The following GBX2 variants were observed in gnomAD, a reference collection of about 807,000 sequenced individuals.
The protein encoded by GBX2 is gastrulation brain homeobox 2.
A neutral mutation model predicts 22.4 loss-of-function variants in GBX2; 5 were observed. The ratio of observed to expected loss-of-function variants is 0.22; its 90% CI spans 0.12 to 0.47. The LOEUF is 0.47. GBX2 is among the 20% of genes least tolerant of loss of function. The pLI, the probability that GBX2 is intolerant of heterozygous loss-of-function variation, is 0.99. For synonymous variants in GBX2, 220 were observed against 230.5 expected, an observed-to-expected ratio of 0.95 and a Z score of 0.41; for missense variants, 470 against 495.4, an observed-to-expected ratio of 0.95 and a Z score of 0.49.
At chr2:236,167,186 G>A (rs966067368) in intron 1 of GBX2, 31 of 1,535,250 alleles carry the variant, frequency 2.0e-5, no homozygotes, top group Admixed American at 3.9e-5. Flanking sequence ...TCGGCCAAAC[G>A]CATCGTCAGA....
In GBX2 at chr2:236,167,975, C is replaced by A. The variant is rs372311841; in HGVS notation, c.-4G>T. ...ACGGCGGGAACGCTGCGCTCATAGA[C>A]GCGCTCGGTAGAGGCCAGCGAGAGG... On this transcript the variant is annotated 5_prime_UTR_variant, in exon 1 of 2. Coordinates refer to ENST00000306318, the MANE Select transcript of GBX2 (RefSeq NM_001485.4). The A allele has an allele frequency of 1.9e-6, 3 of 1,552,624 alleles. No homozygotes were observed. The African/African-American group carries it at 4.3e-5, about 22-fold the overall frequency.
Position 236,165,897 on chromosome 2 carries a change from C to T in GBX2, c.*17G>A, listed in dbSNP as rs1227982415. On this transcript the variant is annotated 3_prime_UTR_variant, in exon 2 of 2. Coordinates refer to ENST00000306318, the MANE Select transcript of GBX2 (RefSeq NM_001485.4). ...GGCTTCTCCAGGTGGGTGCCAGGCCCTGGCCCTTCTGGACCCTCAGGGCCG... is the reference window on the plus strand; with the variant it reads ...GGCTTCTCCAGGTGGGTGCCAGGCCTTGGCCCTTCTGGACCCTCAGGGCCG... 1 of 1,595,712 alleles carries T rather than the reference C, an allele frequency of 6.3e-7. No individual in the cohort carries two copies. Among genetic ancestry groups the T allele is most frequent in the African/African-American group, 1.4e-5 (1 of 73,850 alleles).
downstream of GBX2, among the ~76,000 whole-genome samples, chr2:236,164,370 C>T (rs2060226404): frequency 2.0e-5 from 3 of 152,162 alleles, no homozygotes; most frequent in Non-Finnish European, 2.9e-5. Context: ...CACTCGCTGG[C>T]CCGCTGAACG....
Position 236,167,896 on chromosome 2 carries a change from A to C in GBX2, c.76T>G (p.Ser26Ala). The part of the protein sequence containing the change: ...LGSSTAFSID[S>A]LIGSPPQPSP... ...GGCTGCGGCGGGCTGCCGATCAGCG[A>C]GTCTATGCTGAAGGCGGTGCTACTC... Residue 26 changes from serine (S) to alanine (A), a missense_variant, in exon 1 of 2, where the codon TCG becomes GCG. This residue lies in a region of GBX2 where 377 missense variants were observed against 358.6 expected (regional missense o/e 1.05). Coordinates refer to ENST00000306318, the MANE Select transcript of GBX2 (RefSeq NM_001485.4). The C allele has an allele frequency of 6.4e-7, 1 of 1,559,042 alleles. No homozygotes were observed. Among genetic ancestry groups the C allele is most frequent in the Non-Finnish European group, 8.7e-7 (1 of 1,155,792 alleles).
Position 236,166,262 on chromosome 2 carries a change from C to G in GBX2, c.699G>C (p.Pro233=). 1 of 1,613,650 alleles carries G rather than the reference C, an allele frequency of 6.2e-7. No individual in the cohort carries two copies. Among genetic ancestry groups the G allele is most frequent in the Non-Finnish European group, 8.5e-7 (1 of 1,179,962 alleles). ...DPGHALEETP[P]SSGAAGSTTS... is the part of the protein sequence containing the mutation. ...TGGTGCTGCCCGCGGCGCCGCTGCT[C>G]GGCGGGGTCTCCTCCAGCGCGTGGC... The change falls in exon 2 of 2, where the codon CCG becomes CCC. Residue 233 remains proline, a synonymous_variant. Coordinates refer to ENST00000306318, the MANE Select transcript of GBX2 (RefSeq NM_001485.4). This position sits in a 1 kb window ranked among gnomAD's most constrained non-coding sequence, Gnocchi z 6.6.
At position 236,167,431 on chromosome 2, in the gene GBX2, CG is replaced by C; in HGVS notation, c.523+17del. 2.7e-6 allele frequency: 4 copies of C among 1,488,834 alleles called. No homozygotes were observed. The highest frequency in any genetic ancestry group is 3.5e-6 in the Non-Finnish European group (4 of 1,131,108). 92.2% of individuals were successfully genotyped at this position (1,488,834 alleles called of 1,614,324 possible). A position where few individuals can be genotyped will look rare whatever the true frequency, so the allele number is the denominator to read the frequency against. ...TCCTCCCGCCCCCTCGTCCCGGCTG[CG>C]CGCGCCGCCGACTCACCGAGCGAAG... On this transcript the variant is annotated intron_variant, in intron 1 of 1. Transcript: ENST00000306318.
downstream of GBX2, among the ~76,000 whole-genome samples, chr2:236,164,819 T>C (rs1415872343): frequency 6.6e-6 from 1 of 152,182 alleles, no homozygotes; most frequent in Non-Finnish European, 1.5e-5. Context: ...GAGCACCGCT[T>C]CTTTTCGGGC....
Position 236,165,546 on chromosome 2 carries a change from A to G in GBX2, c.*368T>C, listed in dbSNP as rs575502342. The G allele has an allele frequency of 1.7e-5, 3 of 181,392 alleles. No homozygotes were observed. In the South Asian group the frequency reaches 4.7e-4, roughly 29 times the overall value. The allele number at this position is 181,392 out of a possible 1,614,324, so 11.2% of individuals were successfully genotyped here. ...GTTTCACGTTTACCTTTGGAAAAGT[A>G]TGGAAAGGTGGCTGCTAACCGCGCA... On this transcript the variant is annotated 3_prime_UTR_variant, in exon 2 of 2. Coordinates refer to ENST00000306318, the MANE Select transcript of GBX2 (RefSeq NM_001485.4).
chr2:236,167,865 G>A lies in GBX2; in HGVS notation c.107C>T (p.Pro36Leu). The stretch of plus-strand genomic sequence containing the variant: ...GTAGCCGGTGTAGACGAAATGGCCG[G>A]GGCTGGGCTGCGGCGGGCTGCCGAT... ...SLIGSPPQPS[P>L]GHFVYTGYPM... is the part of the protein sequence containing the mutation. The change falls in exon 1 of 2, where the codon CCC becomes CTC. Residue 36 changes from proline to leucine, a missense_variant. By Grantham distance (98) the Pro-to-Leu change is moderately conservative. Transcript: ENST00000306318. 1 of 1,543,950 alleles carries A rather than the reference G, an allele frequency of 6.5e-7. No homozygotes were observed. Among genetic ancestry groups the A allele is most frequent in the Non-Finnish European group, 8.7e-7 (1 of 1,148,124 alleles).
intron 1 of GBX2, 83 bp downstream of exon 1, chr2:236,167,366 T>C: frequency 7.2e-7 from 1 of 1,394,418 alleles, no homozygotes; most frequent in Non-Finnish European, 9.3e-7. Flanking sequence ...CCTCGCCCCC[T>C]TGGTCTCCCG....
At position 236,166,708 on chromosome 2, in the gene GBX2, C is replaced by T. The variant is rs1244115065; in HGVS notation, c.524-271G>A. Among the ~76,000 whole-genome samples the T allele has an allele frequency of 6.6e-6, 1 of 152,010 alleles. No individual in the cohort carries two copies. Among genetic ancestry groups the T allele is most frequent in the Non-Finnish European group, 1.5e-5 (1 of 68,022 alleles). ...AAGGGCCGCCATGCCTCCCCCGCAC[C>T]CTCCCAGCCTCGGCAGCGTCAGGAG... On this transcript the variant is annotated intron_variant, in intron 1 of 1. Coordinates refer to ENST00000306318, the MANE Select transcript of GBX2 (RefSeq NM_001485.4). The surrounding 1 kb of genome is among the most constrained non-coding windows in gnomAD (Gnocchi z 6.6).
Position 236,166,588 on chromosome 2 carries a change from C to T in GBX2, c.524-151G>A. 1 of 767,516 alleles carries T rather than the reference C, an allele frequency of 1.3e-6. No homozygotes were observed. Among genetic ancestry groups the T allele is most frequent in the Non-Finnish European group, 2.1e-6 (1 of 474,944 alleles). The allele number at this position is 767,516 out of a possible 1,614,324, so 47.5% of individuals were successfully genotyped here. A position where few individuals can be genotyped will look rare whatever the true frequency, so the allele number is the denominator to read the frequency against. ...CATTAACACATTGTGATTTCCTGGC[C>T]TTTGAGGGGTAGAGGAGGGGTGGGG... On this transcript the variant is annotated intron_variant, in intron 1 of 1. Coordinates refer to ENST00000306318, the MANE Select transcript of GBX2 (RefSeq NM_001485.4). This position sits in a 1 kb window ranked among gnomAD's most constrained non-coding sequence, Gnocchi z 6.6.
chr2:236,167,376 G>C, intron 1 of GBX2, 73 bp downstream of exon 1: 3 of 1,406,110 alleles, frequency 2.1e-6, no homozygotes, highest in Non-Finnish European at 1.8e-6. Flanking sequence ...TTGGTCTCCC[G>C]CGGGAACCCG....
intron 1 of GBX2, chr2:236,167,123 G>C (rs1045415984): frequency 2.6e-5 from 40 of 1,535,224 alleles, no homozygotes; most frequent in Non-Finnish European, 3.3e-5. Flanking sequence ...GTCTCCCCTA[G>C]AGGCTGCAAC....
At chr2:236,167,318 C>T (rs2060245720) in intron 1 of GBX2, 131 bp downstream of exon 1, 1 of 1,367,664 alleles carries the variant, frequency 7.3e-7, no homozygotes, top group South Asian at 1.3e-5. Context: ...CGGGCCTCAT[C>T]CTCCAGCTCC....
Position 236,165,617 on chromosome 2 carries a change from T to A in GBX2, c.*297A>T, listed in dbSNP as rs1395495098. The A allele has an allele frequency of 3.2e-6, 1 of 311,122 alleles. No individual in the cohort carries two copies. The highest frequency in any genetic ancestry group is 9.1e-5 in the South Asian group (1 of 10,954). The allele number at this position is 311,122 out of a possible 1,614,324, so 19.3% of individuals were successfully genotyped here. A position where few individuals can be genotyped will look rare whatever the true frequency, so the allele number is the denominator to read the frequency against. ...TTTCTTCTGGAATGAGTGGAGAAAT[T>A]ACTGGGTAATTAAGTCCTATAACTT... On this transcript the variant is annotated 3_prime_UTR_variant, in exon 2 of 2. Transcript: ENST00000306318.
At chr2:236,167,361 C>A in intron 1 of GBX2, 88 bp downstream of exon 1, 8 of 1,390,676 alleles carry the variant, frequency 5.8e-6, no homozygotes, top group Admixed American at 2.9e-5. Flanking sequence ...CGCGGCCTCG[C>A]CCCCTTGGTC....
downstream of GBX2, among the ~76,000 whole-genome samples, chr2:236,163,969 G>A (rs917628003): frequency 1.3e-5 from 2 of 152,104 alleles, no homozygotes; most frequent in African/African-American, 4.8e-5. Flanking sequence ...GACGCCCTCG[G>A]AGGACTGGCC....
Position 236,168,035 on chromosome 2 carries a change from C to A in GBX2, c.-64G>T, listed in dbSNP as rs1192368954. 3 of 1,362,652 alleles carry A rather than the reference C, an allele frequency of 2.2e-6. No individual in the cohort carries two copies. The highest frequency in any genetic ancestry group is 3.2e-5 in the East Asian group (1 of 31,562). The allele number at this position is 1,362,652 out of a possible 1,614,324, so 84.4% of individuals were successfully genotyped here. On this transcript the variant is annotated 5_prime_UTR_variant, in exon 1 of 2. Transcript: ENST00000306318. Reference sequence around the variant, plus strand: ...CCCGCGCCGCGCCGCCGCCGGGAAGCCCGCCGGACGCCGGGAGCACCGCCG... The same window carrying A: ...CCCGCGCCGCGCCGCCGCCGGGAAGACCGCCGGACGCCGGGAGCACCGCCG...
Sources: allele counts gnomAD v4.1 joint callset (sites outside exome capture counted in the v4.1 genomes callset), GRCh38; gene constraint gnomAD v4.1.1; regional missense constraint gnomAD v4.1.1; non-coding constraint Gnocchi (gnomAD v3.1); transcripts MANE v1.5; gene names NCBI Gene and HGNC (gene_info 2026-07-23, HGNC 2026-07-21).